SCG5: variants seen among roughly 807,000 people sequenced by gnomAD.
SCG5 encodes neuroendocrine protein 7B2.
A neutral mutation model predicts 25.7 loss-of-function variants in SCG5; 18 were observed. The observed-to-expected ratio is 0.70, with a 90% CI of 0.48 to 1.04. SCG5 has a LOEUF of 1.04. SCG5 is among the 50% of genes least tolerant of loss of function. The probability of loss-of-function intolerance (pLI) is 0.00; values close to 1 mark genes in which losing one functional copy is unlikely to be tolerated. For synonymous variants in SCG5, 101 were observed against 91.7 expected (o/e 1.10, Z -0.58); for missense variants, 206 against 259.8 (o/e 0.79, Z 1.42).
At chr15:32,646,390 A>C (rs889311342) in intron 2 of SCG5, among the ~76,000 whole-genome samples, 7 of 152,176 alleles carry the variant, frequency 4.6e-5, no homozygotes, top group Non-Finnish European at 5.9e-5. Flanking sequence ...TGTAGGACTG[A>C]GTTCCCTTTC....
chr15:32,657,372 A>G (rs1173491577), intron 2 of SCG5, among the ~76,000 whole-genome samples: 1 of 150,256 alleles, frequency 6.7e-6, no homozygotes, highest in African/African-American at 2.4e-5. Flanking sequence ...TCTGCTCTGT[A>G]TTGGTGTTGA....
At chr15:32,649,038 G>T (rs949285370) in intron 2 of SCG5, among the ~76,000 whole-genome samples, 2 of 152,178 alleles carry the variant, frequency 1.3e-5, no homozygotes, top group African/African-American at 4.8e-5. Flanking sequence ...TTACAGGCGT[G>T]AGCCGCCATG....
intron 2 of SCG5, among the ~76,000 whole-genome samples, chr15:32,657,573 A>C (rs1339660185): frequency 6.6e-6 from 1 of 152,100 alleles, no homozygotes; most frequent in Non-Finnish European, 1.5e-5. Context: ...TCAGCTGCCA[A>C]ACCAAAAGTG....
intron 3 of SCG5, among the ~76,000 whole-genome samples, chr15:32,682,117 T>C (rs2054630551): frequency 6.6e-6 from 1 of 152,154 alleles, no homozygotes; most frequent in Admixed American, 6.5e-5. Flanking sequence ...TACAGTGCAG[T>C]GGTTCTTAAA....
At chr15:32,668,310 A>G (rs1212981938) in intron 2 of SCG5, among the ~76,000 whole-genome samples, 1 of 152,270 alleles carries the variant, frequency 6.6e-6, no homozygotes, top group Non-Finnish European at 1.5e-5. Flanking sequence ...TAGGATAGTG[A>G]AAAAGAAGTA....
chr15:32,656,523 G>T (rs1236070068), intron 2 of SCG5, among the ~76,000 whole-genome samples: 3 of 152,228 alleles, frequency 2.0e-5, no homozygotes, highest in African/African-American at 7.2e-5. Context: ...AGCTTTACGA[G>T]TTAAATGTCC....
chr15:32,670,592 A>G (rs2054403038), intron 2 of SCG5, among the ~76,000 whole-genome samples: 1 of 152,238 alleles, frequency 6.6e-6, no homozygotes, highest in Non-Finnish European at 1.5e-5. Flanking sequence ...ATCCATCTCT[A>G]AGTATAAACT....
At chr15:32,689,056 A>G (rs1406629910) in intron 4 of SCG5, among the ~76,000 whole-genome samples, 2 of 151,746 alleles carry the variant, frequency 1.3e-5, no homozygotes, top group Admixed American at 1.3e-4. Context: ...ACCAACAAAT[A>G]TAACATCCAT....
chr15:32,696,594 T>A lies in SCG5; in HGVS notation c.624T>A (p.Asp208Glu). Reference protein sequence around the residue: ...KKSVPHFSDEDKDPE With the variant: ...KKSVPHFSDEEKDPE ...CTGTCCCCCATTTTTCAGATGAGGA[T>A]AAGGATCCAGAGTAAAGAGAAGATG... The change falls in exon 6 of 6, where the codon GAT becomes GAA. Residue 208 changes from aspartate to glutamate, a missense_variant. Coordinates refer to ENST00000300175, the MANE Select transcript of SCG5 (RefSeq NM_001144757.3). The A allele has an allele frequency of 6.2e-7, 1 of 1,611,750 alleles. No individual in the cohort carries two copies. Among genetic ancestry groups the A allele is most frequent in the Admixed American group, 1.7e-5 (1 of 59,958 alleles).
Position 32,647,857 on chromosome 15 carries a change from G to A in SCG5, c.226+4039G>A, listed in dbSNP as rs149631614. Among the ~76,000 whole-genome samples the A allele has an allele frequency of 4.4e-3, 675 of 152,216 alleles. 6 individuals carry two copies. The highest frequency in any genetic ancestry group is 0.016 in the African/African-American group (653 of 41,536). On this transcript the variant is annotated intron_variant, in intron 2 of 5. Transcript: ENST00000300175. Reference sequence around the variant, plus strand: ...ACCCATTTGTTAGTTTCGTTTACAGGTTTCTCTGGCGGCCTTTAAAAGTTA... The same window carrying A: ...ACCCATTTGTTAGTTTCGTTTACAGATTTCTCTGGCGGCCTTTAAAAGTTA...
At chr15:32,646,964 TATC>T (rs907925587) in intron 2 of SCG5, among the ~76,000 whole-genome samples, 3 of 152,228 alleles carry the variant, frequency 2.0e-5, no homozygotes, top group Admixed American at 2.0e-4. Context: ...CATAATATAT[TATC>T]ATATTTTATA....
intron 2 of SCG5, among the ~76,000 whole-genome samples, chr15:32,671,458 T>C (rs1354659164): frequency 2.0e-5 from 3 of 152,136 alleles, no homozygotes; most frequent in African/African-American, 7.2e-5. Flanking sequence ...TGTTGGCCAT[T>C]TCTTTCAGCC....
At chr15:32,657,805 A>G (rs543137622) in intron 2 of SCG5, among the ~76,000 whole-genome samples, 4 of 152,340 alleles carry the variant, frequency 2.6e-5, no homozygotes, top group South Asian at 2.1e-4. Context: ...ACTACATGCC[A>G]GGAACTGTGG....
chr15:32,678,617 AAC>A (rs1429103071), intron 2 of SCG5, among the ~76,000 whole-genome samples: 6 of 152,342 alleles, frequency 3.9e-5, no homozygotes, highest in Middle Eastern at 3.4e-3. Context: ...GTTTTTGGAA[AAC>A]AGTTTGGCAA....
rs551463594 is a variant in SCG5 at position 32,650,246 on chromosome 15, C to T, written c.226+6428C>T. Among the ~76,000 whole-genome samples, 15 of 152,166 alleles carry T rather than the reference C, an allele frequency of 9.9e-5. No individual in the cohort carries two copies. The East Asian group carries it at 2.1e-3, about 22-fold the overall frequency. On this transcript the variant is annotated intron_variant, in intron 2 of 5. Coordinates refer to ENST00000300175, the MANE Select transcript of SCG5 (RefSeq NM_001144757.3). ...GCGAGTAGCTGGGACTACAGGTGCC[C>T]GCCACCACACCTGGCTAATTTTTTT...
rs149958189 is a variant in SCG5 at position 32,660,392 on chromosome 15, C to G, written c.226+16574C>G. Among the ~76,000 whole-genome samples, 769 of 152,324 alleles carry G rather than the reference C, an allele frequency of 5.0e-3. 6 individuals carry two copies. Among genetic ancestry groups the G allele is most frequent in the African/African-American group, 0.018 (733 of 41,576 alleles). On this transcript the variant is annotated intron_variant, in intron 2 of 5. Coordinates refer to ENST00000300175, the MANE Select transcript of SCG5 (RefSeq NM_001144757.3). ...TGCCTCAATGTGTCCATGCTCCAGGCAGGTCAGATCACCTCCCTCATTCGG... is the reference window on the plus strand; with the variant it reads ...TGCCTCAATGTGTCCATGCTCCAGGGAGGTCAGATCACCTCCCTCATTCGG...
At chr15:32,677,051 T>C (rs751180207) in intron 2 of SCG5, among the ~76,000 whole-genome samples, 2 of 152,188 alleles carry the variant, frequency 1.3e-5, no homozygotes, top group African/African-American at 4.8e-5. Flanking sequence ...TTATATAAAA[T>C]ACCTTATATT....
At chr15:32,669,508 G>T (rs1034180199) in intron 2 of SCG5, among the ~76,000 whole-genome samples, 1 of 152,046 alleles carries the variant, frequency 6.6e-6, no homozygotes, top group African/African-American at 2.4e-5. Flanking sequence ...TATAATTTCA[G>T]CAAGAATTAT....
rs1251804539 is a variant in SCG5, at chr15:32,696,651, T to A, written c.*42T>A. 7.9e-7 allele frequency: 1 copy of A among 1,260,158 alleles called. No individual in the cohort carries two copies. The highest frequency in any genetic ancestry group is 2.3e-5 in the East Asian group (1 of 42,858). 78.1% of individuals were successfully genotyped at this position (1,260,158 alleles called of 1,614,324 possible). On this transcript the variant is annotated 3_prime_UTR_variant, in exon 6 of 6. Coordinates refer to ENST00000300175, the MANE Select transcript of SCG5 (RefSeq NM_001144757.3). ...GAAAACCCACATTACCTGTTAGGCC[T>A]CAGCATGGCTTATGTGCACGTGTAA...
Sources: allele counts gnomAD v4.1 joint callset (sites outside exome capture counted in the v4.1 genomes callset), GRCh38; gene constraint gnomAD v4.1.1; transcripts MANE v1.5; gene names NCBI Gene and HGNC (gene_info 2026-07-23, HGNC 2026-07-21).